Variants in ERC2 observed in about 807,000 individuals in gnomAD.
The protein encoded by ERC2 is ERC protein 2.
In ERC2, 42 loss-of-function variants were observed where a neutral mutation model predicts 114.8. That is an observed-to-expected ratio of 0.37 (90% CI 0.29 to 0.47). The LOEUF is 0.47. ERC2 is among the 20% of genes least tolerant of loss of function. The pLI is 0.99. For missense variants in ERC2, 939 were observed against 1,150.7 expected, an observed-to-expected ratio of 0.82 and a Z score of 2.66; for synonymous variants, 454 against 425.5, an observed-to-expected ratio of 1.07 and a Z score of -0.82.
intron 14 of ERC2, among the ~76,000 whole-genome samples, chr3:55,822,935 A>C (rs2060189068): frequency 6.6e-6 from 1 of 152,114 alleles, no homozygotes; most frequent in African/African-American, 2.4e-5. Flanking sequence ...AATAGCCATC[A>C]TGCTGCCTAG....
At chr3:55,888,135 T>A (rs991016796) in intron 14 of ERC2, among the ~76,000 whole-genome samples, 5 of 152,184 alleles carry the variant, frequency 3.3e-5, no homozygotes, top group Non-Finnish European at 7.3e-5. Context: ...CCCAGCACCA[T>A]CCACACAACA....
intron 12 of ERC2, chr3:55,955,248 TTGTGTGTGTGTG>T (rs60633794): frequency 0.5 from 180,523 of 359,802 alleles, 34,332 homozygotes; most frequent in Admixed American, 0.59. Flanking sequence ...GGTGGTGTGT[TTGTGTGTGTGTG>T]TGTGTGTGTG....
chr3:56,202,386 G>T (rs1045187566), intron 3 of ERC2, among the ~76,000 whole-genome samples: 1 of 151,982 alleles, frequency 6.6e-6, no homozygotes, highest in Non-Finnish European at 1.5e-5. Context: ...CATTTATAGA[G>T]TCTCCAGGAA....
intron 17 of ERC2, among the ~76,000 whole-genome samples, chr3:55,649,956 G>T (rs575514744): frequency 6.6e-6 from 1 of 152,174 alleles, no homozygotes; most frequent in African/African-American, 2.4e-5. Flanking sequence ...CAGAGGGGCC[G>T]GCAGGGAGGG....
chr3:56,270,791 A>G (rs2053608437), intron 3 of ERC2, among the ~76,000 whole-genome samples: 1 of 152,162 alleles, frequency 6.6e-6, no homozygotes, highest in Admixed American at 6.5e-5. Flanking sequence ...CATCCTGTCT[A>G]ACACAGTGAA....
chr3:56,083,061 A>ACCAAAAAGG (rs2077319966), intron 6 of ERC2, among the ~76,000 whole-genome samples: 1 of 152,234 alleles, frequency 6.6e-6, no homozygotes, highest in African/African-American at 2.4e-5. Context: ...GACTGCTGAT[A>ACCAAAAAGG]TAGAAAGTGT....
At chr3:56,173,661 C>T in intron 3 of ERC2, 141 bp from the exon 4 acceptor site, 1 of 656,498 alleles carries the variant, frequency 1.5e-6, no homozygotes, top group Admixed American at 3.2e-5. Context: ...TCTTCCCCCA[C>T]ACTCTTTAGC....
At chr3:56,037,748 T>A (rs930149589) in intron 7 of ERC2, among the ~76,000 whole-genome samples, 8 of 151,954 alleles carry the variant, frequency 5.3e-5, no homozygotes, top group African/African-American at 1.9e-4. Context: ...AGACACAGAA[T>A]CATCAGATTC....
At chr3:56,040,671 G>C (rs2075124637) in intron 7 of ERC2, among the ~76,000 whole-genome samples, 1 of 126,302 alleles carries the variant, frequency 7.9e-6, no homozygotes, top group Non-Finnish European at 1.7e-5. Flanking sequence ...TACATATATA[G>C]ATAGATACAT....
chr3:55,885,455 A>G (rs1390256179), intron 14 of ERC2, among the ~76,000 whole-genome samples: 2 of 152,198 alleles, frequency 1.3e-5, no homozygotes, highest in Non-Finnish European at 2.9e-5. Flanking sequence ...GGCCAGTTAA[A>G]TAGTGAATAG....
chr3:55,884,425 AT>A (rs1399510317), intron 14 of ERC2, among the ~76,000 whole-genome samples: 3 of 152,070 alleles, frequency 2.0e-5, no homozygotes, highest in Non-Finnish European at 1.5e-5. Flanking sequence ...ATCATGAATA[AT>A]TTTTTTCATA....
chr3:55,888,449 G>A lies in ERC2; in HGVS notation c.2504C>T (p.Ala835Val), dbSNP rs138285241. Residue 835 changes from alanine (A) to valine (V), a missense_variant, in exon 14 of 18, where the codon GCG (alanine) becomes GTG (valine). By Grantham distance (64) the Ala-to-Val change is moderately conservative. Transcript: ENST00000288221. Reference sequence around the variant, plus strand: ...CTCAATCCGGAGGTTGGCCAAGTGCGCTTCTTTTTCGGCCAGGGACTGTTG... The same window carrying A: ...CTCAATCCGGAGGTTGGCCAAGTGCACTTCTTTTTCGGCCAGGGACTGTTG... ...STQQSLAEKE[A>V]HLANLRIERR... 408 of 1,613,848 alleles carry A rather than the reference G, an allele frequency of 2.5e-4. No homozygotes were observed. In the Middle Eastern group the frequency reaches 3.3e-3, roughly 13 times the overall value.
intron 3 of ERC2, among the ~76,000 whole-genome samples, chr3:56,270,761 C>T (rs960497717): frequency 2.6e-5 from 4 of 152,144 alleles, no homozygotes; most frequent in South Asian, 2.1e-4. Flanking sequence ...GGGCGGATCA[C>T]GAGGTCAGGA....
chr3:55,767,609 C>T (rs2067899216), intron 14 of ERC2, among the ~76,000 whole-genome samples: 2 of 152,088 alleles, frequency 1.3e-5, no homozygotes, highest in African/African-American at 4.8e-5. Context: ...ATCAGACATG[C>T]CCAGGTAGAT....
rs1309519322 is a variant in ERC2 at position 56,331,728 on chromosome 3, C to T, written c.658-35293G>A. 5.3e-5 allele frequency among the ~76,000 whole-genome samples: 8 copies of T among 152,152 alleles called. No individual in the cohort carries two copies. The South Asian group carries it at 1.7e-3, about 32-fold the overall frequency. Reference sequence around the variant, plus strand: ...AACTGGTGGGTGCGTGTGGCATCGGCCACACTGCAGTAACCACCTCACTGC... The same window carrying T: ...AACTGGTGGGTGCGTGTGGCATCGGTCACACTGCAGTAACCACCTCACTGC... On this transcript the variant is annotated intron_variant, in intron 2 of 17. Coordinates refer to ENST00000288221, the MANE Select transcript of ERC2 (RefSeq NM_015576.3).
intron 3 of ERC2, among the ~76,000 whole-genome samples, chr3:56,280,966 A>G (rs1434197203): frequency 6.6e-6 from 1 of 152,230 alleles, no homozygotes; most frequent in Non-Finnish European, 1.5e-5. Context: ...CCCAACACAA[A>G]GTTAAGTGCT....
intron 12 of ERC2, chr3:55,955,306 C>T (rs898145921): frequency 1.2e-5 from 5 of 409,782 alleles, no homozygotes; most frequent in Non-Finnish European, 2.5e-5. Flanking sequence ...GGTATAAATA[C>T]ACACATGAAG....
At chr3:56,296,526 A>G in intron 2 of ERC2, 91 bp from the exon 3 acceptor site, 1 of 1,352,228 alleles carries the variant, frequency 7.4e-7, no homozygotes, top group South Asian at 1.5e-5. Flanking sequence ...CACACTATGA[A>G]GATGGAATGT....
At position 55,641,148 on chromosome 3, in the gene ERC2, G is replaced by A. The variant is rs571262653; in HGVS notation, c.*39+42646C>T. Among the ~76,000 whole-genome samples, 3 of 152,124 alleles carry A rather than the reference G, an allele frequency of 2.0e-5. No homozygotes were observed. The East Asian group carries it at 5.8e-4, about 29-fold the overall frequency. On this transcript the variant is annotated intron_variant, in intron 17 of 17. Transcript: ENST00000288221. ...CTGCTAGAGAATGAAATCCCCTTGG[G>A]GGAAAACAAAGCCAAAAGATGGTGA...
Sources: allele counts gnomAD v4.1 joint callset (sites outside exome capture counted in the v4.1 genomes callset), GRCh38; gene constraint gnomAD v4.1.1; transcripts MANE v1.5; gene names NCBI Gene and HGNC (gene_info 2026-07-23, HGNC 2026-07-21).